Variants in DGLUCY observed in about 807,000 individuals in gnomAD.
The protein encoded by DGLUCY is D-glutamate cyclase, mitochondrial.
Under a neutral mutation model 58.5 loss-of-function variants are expected in DGLUCY, and 58 were observed. The observed-to-expected ratio is 0.99, with a 90% CI of 0.80 to 1.23. The LOEUF (loss-of-function observed/expected upper bound fraction) is 1.23, where lower values mean the gene tolerates loss of function less well. DGLUCY is among the 50% of genes most tolerant of loss of function. The probability of loss-of-function intolerance (pLI) is 0.00; values close to 1 mark genes in which losing one functional copy is unlikely to be tolerated. For missense variants in DGLUCY, 779 were observed against 784.7 expected (o/e 0.99, Z 0.09); for synonymous variants, 325 against 314.1 (o/e 1.03, Z -0.37).
At chr14:91,077,014 G>C (rs1285188827) in intron 1 of DGLUCY, among the ~76,000 whole-genome samples, 1 of 152,122 alleles carries the variant, frequency 6.6e-6, no homozygotes, top group Non-Finnish European at 1.5e-5. Context: ...GGAGGCCAAG[G>C]TGGAAGGATC....
chr14:91,148,778 C>T (rs2047148849), intron 1 of DGLUCY: 1 of 151,656 alleles, frequency 6.6e-6, no homozygotes, highest in South Asian at 2.1e-4. Context: ...GAAACCTTGT[C>T]TCTACCAAAA....
At chr14:91,145,903 G>A (rs189955329) in intron 1 of DGLUCY, among the ~76,000 whole-genome samples, 1 of 152,154 alleles carries the variant, frequency 6.6e-6, no homozygotes, top group African/African-American at 2.4e-5. Flanking sequence ...TTTGGAGACA[G>A]GCTCTCACCC....
At position 91,224,734 on chromosome 14, in the gene DGLUCY, C is replaced by T. The variant is rs1307417303; in HGVS notation, c.1767C>T (p.Val589=). Reference sequence around the variant, plus strand: ...TGCAGCACAAAGTCCGGAGTGGCGTCTCGGGCATCGTGGGCATGGAGGTGG... The same window carrying T: ...TGCAGCACAAAGTCCGGAGTGGCGTTTCGGGCATCGTGGGCATGGAGGTGG... The part of the protein sequence containing the change: ...ILVQHKVRSG[V]SGIVGMEVDG... Residue 589 remains valine (V), a synonymous_variant, in exon 14 of 14, where the codon GTC becomes GTT. Transcript: ENST00000256324. The T allele has an allele frequency of 6.2e-7, 1 of 1,613,554 alleles. No individual in the cohort carries two copies. The highest frequency in any genetic ancestry group is 8.5e-7 in the Non-Finnish European group (1 of 1,179,604).
Position 91,085,409 on chromosome 14 carries a change from C to A in DGLUCY, c.-82+24705C>A, listed in dbSNP as rs187994636. 4.6e-5 allele frequency among the ~76,000 whole-genome samples: 7 copies of A among 152,078 alleles called. No homozygotes were observed. The East Asian group carries it at 1.4e-3, about 29-fold the overall frequency. On this transcript the variant is annotated intron_variant, in intron 1 of 4. Coordinates refer to the DGLUCY transcript ENST00000521334. ...GCTGTGCCACGTTCTCCATACCCCC[C>A]ACATCTTTTTCCCCTCCCCTAGGTC...
chr14:91,165,179 T>C (rs1217576098), intron 3 of DGLUCY: 1 of 454,974 alleles, frequency 2.2e-6, no homozygotes, highest in Non-Finnish European at 4.4e-6. Flanking sequence ...TAATGACACA[T>C]AACAAACATC....
At chr14:91,165,165 C>T (rs1025801558) in intron 3 of DGLUCY, 14 of 452,042 alleles carry the variant, frequency 3.1e-5, no homozygotes, top group African/African-American at 2.2e-4. Flanking sequence ...TAGTATAGTT[C>T]CTTTAATGAC....
At chr14:91,132,884 A>AG (rs1159753528) in intron 1 of DGLUCY, among the ~76,000 whole-genome samples, 1 of 152,160 alleles carries the variant, frequency 6.6e-6, no homozygotes, top group Non-Finnish European at 1.5e-5. Context: ...TGACCATTCC[A>AG]GGTCCCTCAT....
intron 2 of DGLUCY, 112 bp from the exon 3 acceptor site, chr14:91,160,154 A>T: frequency 1.4e-6 from 1 of 725,372 alleles, no homozygotes; most frequent in Non-Finnish European, 2.4e-6. Flanking sequence ...GCCCAGGAAC[A>T]GGGCCAGGAA....
chr14:91,068,079 G>GCGCGCGCA (rs375738080), intron 1 of DGLUCY, among the ~76,000 whole-genome samples: 1 of 146,342 alleles, frequency 6.8e-6, no homozygotes. Context: ...ACACGCGCAC[G>GCGCGCGCA]CACACACACA....
intron 12 of DGLUCY, among the ~76,000 whole-genome samples, chr14:91,214,607 T>C (rs1480078710): frequency 1.3e-5 from 2 of 152,254 alleles, no homozygotes; most frequent in Admixed American, 1.3e-4. Flanking sequence ...GGTTATTGCC[T>C]AAACCTTTTT....
chr14:91,223,816 C>G lies in DGLUCY; in HGVS notation c.1717-868C>G, dbSNP rs189221168. 4.3e-5 allele frequency: 33 copies of G among 773,884 alleles called. No individual in the cohort carries two copies. In the African/African-American group the frequency reaches 4.8e-4, roughly 11 times the overall value. The allele number at this position is 773,884 out of a possible 1,614,324, so 47.9% of individuals were successfully genotyped here. The stretch of plus-strand genomic sequence containing the variant: ...TGCTTGTACGTAATCCTCAGAACAA[C>G]CCTCTAAAGGAGGCATGATGAGTAC... On this transcript the variant is annotated intron_variant, in intron 13 of 13. Transcript: ENST00000256324.
At chr14:91,224,450 A>G (rs185914879) in intron 13 of DGLUCY, among the ~76,000 whole-genome samples, 11 of 152,342 alleles carry the variant, frequency 7.2e-5, no homozygotes, top group Admixed American at 3.3e-4. Context: ...GAAGCAGCCC[A>G]AACTATTCCC....
chr14:91,178,082 C>A (rs1459037173), intron 7 of DGLUCY, among the ~76,000 whole-genome samples: 1 of 152,238 alleles, frequency 6.6e-6, no homozygotes, highest in Non-Finnish European at 1.5e-5. Flanking sequence ...ATGTTCCAGT[C>A]CTTTAGTTCT....
chr14:91,155,219 C>A (rs1391689204), intron 1 of DGLUCY, among the ~76,000 whole-genome samples: 1 of 152,152 alleles, frequency 6.6e-6, no homozygotes, highest in African/African-American at 2.4e-5. Context: ...GACGGTAAAC[C>A]CCTGTGAGTG....
chr14:91,178,627 A>C (rs2048994744), intron 7 of DGLUCY, among the ~76,000 whole-genome samples: 1 of 152,198 alleles, frequency 6.6e-6, no homozygotes, highest in Non-Finnish European at 1.5e-5. Context: ...GACAAGCGAT[A>C]ATTAAATTCA....
At chr14:91,208,353 G>T (rs985233728) in intron 12 of DGLUCY, among the ~76,000 whole-genome samples, 1 of 152,152 alleles carries the variant, frequency 6.6e-6, no homozygotes, top group Non-Finnish European at 1.5e-5. Context: ...TTACATATCA[G>T]TTTGCTCAAA....
intron 1 of DGLUCY, among the ~76,000 whole-genome samples, chr14:91,139,300 G>A (rs2046519281): frequency 6.6e-6 from 1 of 152,094 alleles, no homozygotes; most frequent in Admixed American, 6.6e-5. Flanking sequence ...ACTGCATGAT[G>A]ACCACTGCCA....
upstream of DGLUCY, among the ~76,000 whole-genome samples, chr14:91,109,909 G>C (rs1284254686): frequency 6.6e-6 from 1 of 152,196 alleles, no homozygotes; most frequent in Admixed American, 6.5e-5. Context: ...TTCAGGTTGA[G>C]GAACCTCTTT....
At position 91,199,796 on chromosome 14, in the gene DGLUCY, T is replaced by G. The variant is rs781039341; in HGVS notation, c.1335T>G (p.Ala445=). ...TGGCCATAGAGCGTGCCGGAAGAGC[T>G]GCTGATGGCAATTACTACAATGCAA... The part of the protein sequence containing the change: ...HLVAIERAGR[A]ADGNYYNARK... The change falls in exon 11 of 14, where the codon GCT becomes GCG. Residue 445 remains alanine, a synonymous_variant. Transcript: ENST00000256324. The G allele has an allele frequency of 1.2e-6, 2 of 1,614,202 alleles. No individual in the cohort carries two copies. Among genetic ancestry groups the G allele is most frequent in the Non-Finnish European group, 1.7e-6 (2 of 1,180,038 alleles).
Sources: allele counts gnomAD v4.1 joint callset (sites outside exome capture counted in the v4.1 genomes callset), GRCh38; gene constraint gnomAD v4.1.1; transcripts MANE v1.5; gene names NCBI Gene and HGNC (gene_info 2026-07-23, HGNC 2026-07-21).